The following TAF3 variants were observed in gnomAD, a reference collection of about 807,000 sequenced individuals.
TAF3 encodes the protein transcription initiation factor TFIID subunit 3.
Under a neutral mutation model 80.6 loss-of-function variants are expected in TAF3, and 7 were observed. The ratio of observed to expected loss-of-function variants is 0.09; its 90% CI spans 0.05 to 0.16. The LOEUF is 0.16. Among genes scored for constraint, TAF3 ranks in the 10% least tolerant of loss-of-function variants. The probability of loss-of-function intolerance (pLI) is 1.00; values close to 1 mark genes in which losing one functional copy is unlikely to be tolerated. For synonymous variants in TAF3, 444 were observed against 446.1 expected (o/e 1.00, Z 0.06); for missense variants, 921 against 1,140.2 (o/e 0.81, Z 2.77).
intron 2 of TAF3, among the ~76,000 whole-genome samples, chr10:7,928,054 T>G (rs1198160198): frequency 2.6e-5 from 4 of 152,208 alleles, no homozygotes; most frequent in Admixed American, 1.3e-4. Flanking sequence ...AAGGGACTAG[T>G]CTTTAAAACT....
chr10:7,939,431 T>G lies in TAF3; in HGVS notation c.410-24489T>G, dbSNP rs1837955506. 3.3e-5 allele frequency among the ~76,000 whole-genome samples: 5 copies of G among 152,160 alleles called. No individual in the cohort carries two copies. The South Asian group carries it at 1.0e-3, about 31-fold the overall frequency. On this transcript the variant is annotated intron_variant, in intron 2 of 6. Coordinates refer to ENST00000344293, the MANE Select transcript of TAF3 (RefSeq NM_031923.4). ...TTATCTTACAATGTAGCCCGCCAGTTAGCAAAGTCCCAAACATTTTACATG... is the reference window on the plus strand; with the variant it reads ...TTATCTTACAATGTAGCCCGCCAGTGAGCAAAGTCCCAAACATTTTACATG...
At chr10:7,865,194 A>G (rs1386545268) in intron 2 of TAF3, among the ~76,000 whole-genome samples, 4 of 152,056 alleles carry the variant, frequency 2.6e-5, no homozygotes, top group Admixed American at 6.5e-5. Context: ...GGGGCCGGGC[A>G]TGGTGGCTCA....
At chr10:7,882,456 G>A (rs1397589307) in intron 2 of TAF3, among the ~76,000 whole-genome samples, 2 of 152,156 alleles carry the variant, frequency 1.3e-5, no homozygotes, top group Non-Finnish European at 2.9e-5. Context: ...AGTAAGAAAT[G>A]AGAGGGAGAA....
chr10:7,995,118 T>C (rs1303292617), intron 4 of TAF3, among the ~76,000 whole-genome samples: 2 of 152,094 alleles, frequency 1.3e-5, no homozygotes, highest in Non-Finnish European at 2.9e-5. Context: ...GATTATTAAA[T>C]GAAGTTAAAG....
intron 2 of TAF3, among the ~76,000 whole-genome samples, chr10:7,894,344 A>G (rs1162751074): frequency 6.6e-6 from 1 of 152,214 alleles, no homozygotes; most frequent in Non-Finnish European, 1.5e-5. Context: ...AAGGTAGACA[A>G]GTATTATACA....
intron 5 of TAF3, 88 bp from the exon 6 acceptor site, chr10:8,013,643 C>A: frequency 1.0e-6 from 1 of 1,000,984 alleles, no homozygotes; most frequent in Non-Finnish European, 1.5e-6. Context: ...ATTCGGTTAA[C>A]AGTATAAAGT....
chr10:7,929,076 A>C (rs1837842855), intron 2 of TAF3, among the ~76,000 whole-genome samples: 1 of 152,136 alleles, frequency 6.6e-6, no homozygotes, highest in South Asian at 2.1e-4. Context: ...TTGGTTTTTA[A>C]GGGAGGTTTT....
chr10:7,971,698 C>G (rs963456149), intron 3 of TAF3, among the ~76,000 whole-genome samples: 4 of 152,062 alleles, frequency 2.6e-5, no homozygotes, highest in African/African-American at 9.7e-5. Flanking sequence ...AAATAAATTT[C>G]CCCTTTAAAT....
intron 3 of TAF3, among the ~76,000 whole-genome samples, chr10:7,971,252 A>G (rs1831618470): frequency 6.6e-6 from 1 of 152,206 alleles, no homozygotes. Context: ...TGTGTTTCTA[A>G]ATGGAAATAA....
At chr10:7,998,374 G>A (rs1334296995) in intron 4 of TAF3, among the ~76,000 whole-genome samples, 1 of 151,028 alleles carries the variant, frequency 6.6e-6, no homozygotes, top group Non-Finnish European at 1.5e-5. Flanking sequence ...TTAGCAAAAT[G>A]TCATTTCTCT....
chr10:7,939,974 G>C (rs968317994), intron 2 of TAF3, among the ~76,000 whole-genome samples: 7 of 152,096 alleles, frequency 4.6e-5, no homozygotes, highest in Non-Finnish European at 1.0e-4. Flanking sequence ...GAGTCTAAAA[G>C]GTACCCATAA....
intron 2 of TAF3, among the ~76,000 whole-genome samples, chr10:7,895,794 G>C (rs11255428): frequency 0.011 from 1,678 of 152,218 alleles, 14 homozygotes; most frequent in Non-Finnish European, 0.018. Flanking sequence ...TGTTTCTTAG[G>C]GGTGAAGTGA....
chr10:8,014,824 G>A lies in TAF3; in HGVS notation c.*73G>A. 1.5e-6 allele frequency: 2 copies of A among 1,357,256 alleles called. No individual in the cohort carries two copies. The highest frequency in any genetic ancestry group is 2.7e-5 in the South Asian group (2 of 73,390). The allele number at this position is 1,357,256 out of a possible 1,614,324, so 84.1% of individuals were successfully genotyped here. A position where few individuals can be genotyped will look rare whatever the true frequency, so the allele number is the denominator to read the frequency against. Reference sequence around the variant, plus strand: ...CTGGCGCCTCTGGAAGGGAGCTGGTGCAAGTCTGCCGTCACATCCACCCCC... The same window carrying A: ...CTGGCGCCTCTGGAAGGGAGCTGGTACAAGTCTGCCGTCACATCCACCCCC... On this transcript the variant is annotated 3_prime_UTR_variant, in exon 7 of 7. Coordinates refer to ENST00000344293, the MANE Select transcript of TAF3 (RefSeq NM_031923.4).
intron 2 of TAF3, among the ~76,000 whole-genome samples, chr10:7,884,837 A>C (rs921336470): frequency 6.6e-6 from 1 of 152,204 alleles, no homozygotes; most frequent in Non-Finnish European, 1.5e-5. Flanking sequence ...TTCCATAATA[A>C]TATTTCCATA....
At chr10:7,854,632 A>C (rs1021483089) in intron 2 of TAF3, among the ~76,000 whole-genome samples, 5 of 136,250 alleles carry the variant, frequency 3.7e-5, no homozygotes, top group Admixed American at 2.9e-4. Context: ...ATTTCAGTGA[A>C]GAGAACTGAA....
chr10:7,890,507 G>A (rs1009440131), intron 2 of TAF3, among the ~76,000 whole-genome samples: 3 of 152,126 alleles, frequency 2.0e-5, no homozygotes, highest in African/African-American at 4.8e-5. Flanking sequence ...TTCATATTAC[G>A]AAAACTTTAT....
chr10:7,861,012 A>G (rs1837140209), intron 2 of TAF3, among the ~76,000 whole-genome samples: 1 of 150,472 alleles, frequency 6.6e-6, no homozygotes, highest in African/African-American at 2.5e-5. Context: ...CCTGGGCTGG[A>G]GTGCAGTGGC....
chr10:7,845,699 T>G (rs1240402510), intron 2 of TAF3, among the ~76,000 whole-genome samples: 2 of 152,218 alleles, frequency 1.3e-5, no homozygotes, highest in African/African-American at 4.8e-5. Context: ...ATGAAGAGCC[T>G]TACTCCGTGT....
intron 2 of TAF3, among the ~76,000 whole-genome samples, chr10:7,960,099 C>CT (rs1838175067): frequency 6.6e-6 from 1 of 152,202 alleles, no homozygotes; most frequent in Admixed American, 6.5e-5. Context: ...TAAGCCAAAC[C>CT]TTTATCATTC....
Sources: allele counts gnomAD v4.1 joint callset (sites outside exome capture counted in the v4.1 genomes callset), GRCh38; gene constraint gnomAD v4.1.1; transcripts MANE v1.5; gene names NCBI Gene and HGNC (gene_info 2026-07-23, HGNC 2026-07-21).